The following ASAP2 variants were observed in gnomAD, a reference collection of about 807,000 sequenced individuals.
ASAP2 encodes the protein ArfGAP with SH3 domain, ankyrin repeat and PH domain 2, also known as arf-GAP with SH3 domain, ANK repeat and PH domain-containing protein 2.
ASAP2 carries 45 observed loss-of-function variants against 131.4 expected under a neutral mutation model. That is an observed-to-expected ratio of 0.34 (90% CI 0.27 to 0.44). The LOEUF is 0.44. ASAP2 is among the 20% of genes least tolerant of loss of function. The probability of loss-of-function intolerance (pLI) is 1.00; values close to 1 mark genes in which losing one functional copy is unlikely to be tolerated. For synonymous variants in ASAP2, 510 were observed against 503.0 expected, an observed-to-expected ratio of 1.01 and a Z score of -0.19; for missense variants, 1,011 against 1,297.0, an observed-to-expected ratio of 0.78 and a Z score of 3.39.
intron 3 of ASAP2, among the ~76,000 whole-genome samples, chr2:9,299,427 A>C (rs1352770903): frequency 6.6e-6 from 1 of 152,348 alleles, no homozygotes. Flanking sequence ...AGAATTAAAG[A>C]TATTTTCAGA....
chr2:9,224,908 G>A (rs903606773), intron 1 of ASAP2, among the ~76,000 whole-genome samples: 2 of 152,182 alleles, frequency 1.3e-5, no homozygotes, highest in African/African-American at 4.8e-5. Flanking sequence ...TGCATGCTGG[G>A]CTGTGGTCCT....
intron 5 of ASAP2, among the ~76,000 whole-genome samples, chr2:9,321,018 T>C (rs1008417307): frequency 6.6e-6 from 1 of 152,120 alleles, no homozygotes; most frequent in Admixed American, 6.5e-5. Flanking sequence ...ATCAAGCAAG[T>C]AATTATGGGG....
chr2:9,212,716 C>T (rs1296520282), intron 1 of ASAP2, among the ~76,000 whole-genome samples: 4 of 152,188 alleles, frequency 2.6e-5, no homozygotes, highest in African/African-American at 4.8e-5. Flanking sequence ...AGCTCTCAGC[C>T]GCCACATTGC....
rs1184864688 is a variant in ASAP2, at chr2:9,217,926, T to TA, written c.126+10697dup. On this transcript the variant is annotated intron_variant, in intron 1 of 27. Transcript: ENST00000281419. The surrounding 1 kb of genome is among the most constrained non-coding windows in gnomAD (Gnocchi z 4.0). The stretch of plus-strand genomic sequence containing the variant: ...ACCACGCCTGGCTTTTTTTTTTTTT[T>TA]ACATGAAAAAATAATGATGACAATG... 6.9e-6 allele frequency among the ~76,000 whole-genome samples: 1 copy of TA among 144,920 alleles called. No individual in the cohort carries two copies. The highest frequency in any genetic ancestry group is 2.6e-5 in the African/African-American group (1 of 38,154).
intron 2 of ASAP2, among the ~76,000 whole-genome samples, chr2:9,296,367 AT>A (rs1208618217): frequency 6.6e-6 from 1 of 152,164 alleles, no homozygotes; most frequent in African/African-American, 2.4e-5. Context: ...GAGGTCTGAG[AT>A]GGGACGGTGG....
chr2:9,221,050 A>G (rs1346650228), intron 1 of ASAP2, among the ~76,000 whole-genome samples: 1 of 151,794 alleles, frequency 6.6e-6, no homozygotes, highest in African/African-American at 2.4e-5. Context: ...GCCTTAATTA[A>G]CTGTAGGCCT....
At chr2:9,357,822 C>G (rs1672816084) in intron 14 of ASAP2, among the ~76,000 whole-genome samples, 1 of 152,168 alleles carries the variant, frequency 6.6e-6, no homozygotes, top group African/African-American at 2.4e-5. Context: ...AAAATAACTT[C>G]ATGATTTCCT....
intron 7 of ASAP2, among the ~76,000 whole-genome samples, chr2:9,333,988 G>A (rs1015191955): frequency 2.0e-5 from 3 of 148,782 alleles, no homozygotes; most frequent in African/African-American, 7.5e-5. Context: ...AAAGCTGCTT[G>A]GTTGGTTCTT....
intron 1 of ASAP2, among the ~76,000 whole-genome samples, chr2:9,243,516 A>G (rs756113644): frequency 6.6e-6 from 1 of 152,244 alleles, no homozygotes; most frequent in Non-Finnish European, 1.5e-5. Flanking sequence ...GTTAAAATAC[A>G]ACTTTGCTTA....
At chr2:9,279,208 G>T (rs1313652202) in intron 1 of ASAP2, 109 bp from the exon 2 acceptor site, 2 of 995,004 alleles carry the variant, frequency 2.0e-6, no homozygotes, top group Middle Eastern at 2.1e-4. Context: ...CCAGAAACAG[G>T]TGCCTAGGGA....
At chr2:9,397,746 A>T (rs1240552931) in intron 24 of ASAP2, among the ~76,000 whole-genome samples, 974 of 78,694 alleles carry the variant, frequency 0.012, 30 homozygotes, top group African/African-American at 0.043. Flanking sequence ...ATATATATAT[A>T]TATATTTTTT....
At chr2:9,301,413 CAT>C (rs755240239) in intron 3 of ASAP2, among the ~76,000 whole-genome samples, 8 of 152,152 alleles carry the variant, frequency 5.3e-5, no homozygotes, top group Non-Finnish European at 8.8e-5. Flanking sequence ...AGAAATGTGA[CAT>C]GTGTGAAATT....
At chr2:9,324,115 T>G (rs1480022410) in intron 6 of ASAP2, among the ~76,000 whole-genome samples, 2 of 152,250 alleles carry the variant, frequency 1.3e-5, no homozygotes, top group Non-Finnish European at 2.9e-5. Flanking sequence ...GCACTGAAAC[T>G]GGCATTGGCC....
At chr2:9,256,092 G>A (rs1283101872) in intron 1 of ASAP2, among the ~76,000 whole-genome samples, 1 of 146,298 alleles carries the variant, frequency 6.8e-6, no homozygotes, top group Non-Finnish European at 1.5e-5. Context: ...ATTTTCCCTA[G>A]TCATTGACAT....
chr2:9,270,559 C>T (rs1221874896), intron 1 of ASAP2, among the ~76,000 whole-genome samples: 1 of 151,984 alleles, frequency 6.6e-6, no homozygotes, highest in Non-Finnish European at 1.5e-5. Context: ...AAGCATTTAG[C>T]CTTCTTTTGT....
chr2:9,325,558 G>T (rs10181704), intron 6 of ASAP2, among the ~76,000 whole-genome samples: 60,614 of 152,078 alleles, frequency 0.4, 13,153 homozygotes, highest in African/African-American at 0.57. Context: ...CTTAAAATGC[G>T]TACTGAATTT....
intron 1 of ASAP2, among the ~76,000 whole-genome samples, chr2:9,266,876 A>C (rs570489196): frequency 6.6e-6 from 1 of 152,154 alleles, no homozygotes; most frequent in African/African-American, 2.4e-5. Flanking sequence ...ACCTGCATTC[A>C]GTTTCCTCTG....
chr2:9,259,580 G>C (rs1202282613), intron 1 of ASAP2, among the ~76,000 whole-genome samples: 1 of 152,146 alleles, frequency 6.6e-6, no homozygotes, highest in Non-Finnish European at 1.5e-5. Context: ...GAACAAAAAT[G>C]AACAGCACCA....
At chr2:9,278,846 T>C (rs909574492) in intron 1 of ASAP2, among the ~76,000 whole-genome samples, 3 of 152,184 alleles carry the variant, frequency 2.0e-5, no homozygotes, top group African/African-American at 7.2e-5. Flanking sequence ...TAATGATATT[T>C]GGGTTTTTCC....
Sources: gnomAD v4.1 joint callset for allele counts (sites outside exome capture counted in the v4.1 genomes callset) on GRCh38, gnomAD v4.1.1 for gene constraint, Gnocchi (gnomAD v3.1) non-coding constraint, MANE v1.5 for transcripts, NCBI Gene and HGNC (gene_info 2026-07-23, HGNC 2026-07-21) for gene names.